The following PGBD1 variants were observed in gnomAD, a reference collection of about 807,000 sequenced individuals.
PGBD1 encodes the protein piggyBac transposable element derived 1.
Under a neutral mutation model 34.7 loss-of-function variants are expected in PGBD1, and 25 were observed. The observed-to-expected ratio is 0.72, with a 90% CI of 0.52 to 1.00. PGBD1 has a LOEUF of 1.00. Among genes scored for constraint, PGBD1 ranks in the 50% least tolerant of loss-of-function variants. The probability of loss-of-function intolerance (pLI) is 0.00; values close to 1 mark genes in which losing one functional copy is unlikely to be tolerated. For missense variants in PGBD1, 830 were observed against 959.4 expected, an observed-to-expected ratio of 0.87 and a Z score of 1.78; for synonymous variants, 292 against 335.7, an observed-to-expected ratio of 0.87 and a Z score of 1.42.
chr6:28,292,283 A>G (rs757707646), intron 4 of PGBD1, among the ~76,000 whole-genome samples: 1 of 152,238 alleles, frequency 6.6e-6, no homozygotes, highest in African/African-American at 2.4e-5. Flanking sequence ...ATATACTTCA[A>G]TAGTGAACAA....
rs1762142523 is a variant in PGBD1, at chr6:28,281,932, A to T, written c.-39+14A>T. 1 of 152,324 alleles carries T rather than the reference A, an allele frequency of 6.6e-6. No homozygotes were observed. Among genetic ancestry groups the T allele is most frequent in the Non-Finnish European group, 1.5e-5 (1 of 68,126 alleles). 9.4% of individuals were successfully genotyped at this position (152,324 alleles called of 1,614,324 possible). On this transcript the variant is annotated intron_variant, in intron 1 of 6. Coordinates refer to ENST00000682144, the MANE Select transcript of PGBD1 (RefSeq NM_032507.4). Reference sequence around the variant, plus strand: ...CTTGAATACCAGGTACGTGCCGGGCATGTAGAGTCTATGCAGAGATAAACT... The same window carrying T: ...CTTGAATACCAGGTACGTGCCGGGCTTGTAGAGTCTATGCAGAGATAAACT...
chr6:28,301,699 A>G lies in PGBD1; in HGVS notation c.1845A>G (p.Leu615=), dbSNP rs1344542727. The change falls in exon 7 of 7, where the codon TTA becomes TTG. Residue 615 remains leucine, a synonymous_variant. Coordinates refer to ENST00000682144, the MANE Select transcript of PGBD1 (RefSeq NM_032507.4). ...NLVMNFADVL[L]ERGQYPYHLC... Reference sequence around the variant, plus strand: ...TGATGAACTTCGCTGATGTTCTTTTAGAGAGAGGTCAGTATCCCTATCACC... The same window carrying G: ...TGATGAACTTCGCTGATGTTCTTTTGGAGAGAGGTCAGTATCCCTATCACC... 6.2e-6 allele frequency: 10 copies of G among 1,614,024 alleles called. No homozygotes were observed. Among genetic ancestry groups the G allele is most frequent in the African/African-American group, 1.3e-5 (1 of 74,926 alleles).
At chr6:28,285,800 A>G in intron 3 of PGBD1, 93 bp downstream of exon 3, 1 of 1,318,806 alleles carries the variant, frequency 7.6e-7, no homozygotes, top group South Asian at 1.5e-5. Context: ...ACATTGTGAA[A>G]TGATTACCAC....
Position 28,300,933 on chromosome 6 carries a change from C to G in PGBD1, c.1079C>G (p.Ser360Cys), listed in dbSNP as rs150861226. 2 of 1,614,110 alleles carry G rather than the reference C, an allele frequency of 1.2e-6. No individual in the cohort carries two copies. Among genetic ancestry groups the G allele is most frequent in the Non-Finnish European group, 1.7e-6 (2 of 1,180,026 alleles). ...VSELLQGLSF[S>C]GDSDVEKDNE... ...GAACTGCTCCAAGGCCTCTCATTCT[C>G]TGGTGACTCAGATGTGGAAAAAGAT... Residue 360 changes from serine to cysteine, a missense_variant, in exon 7 of 7, where the codon TCT (serine) becomes TGT (cysteine). By Grantham distance (112) the Ser-to-Cys change is moderately radical. Transcript: ENST00000682144. This position sits in a 1 kb window ranked among gnomAD's most constrained non-coding sequence, Gnocchi z 4.0.
chr6:28,300,751 T>C lies in PGBD1; in HGVS notation c.897T>C (p.Ser299=), dbSNP rs1471560332. 1 of 1,613,380 alleles carries C rather than the reference T, an allele frequency of 6.2e-7. No homozygotes were observed. The highest frequency in any genetic ancestry group is 1.3e-5 in the African/African-American group (1 of 74,902). ...NRECAPQIPC[S]TPIATERTVA... ...AGTGTGCACCCCAGATTCCTTGTAGTACTCCTATTGCTACTGAAAGGACAG... is the reference window on the plus strand; with the variant it reads ...AGTGTGCACCCCAGATTCCTTGTAGCACTCCTATTGCTACTGAAAGGACAG... Residue 299 remains serine (S), a synonymous_variant, in exon 7 of 7, where the codon AGT becomes AGC. Transcript: ENST00000682144. This position sits in a 1 kb window ranked among gnomAD's most constrained non-coding sequence, Gnocchi z 4.0.
chr6:28,297,028 G>A (rs1396432344), intron 5 of PGBD1, 83 bp downstream of exon 5: 24 of 1,508,568 alleles, frequency 1.6e-5, no homozygotes, highest in South Asian at 9.6e-5. Context: ...GGGAGGCCAC[G>A]TTTCCTACAG....
Position 28,298,969 on chromosome 6 carries a change from CT to C in PGBD1, c.869+980del, listed in dbSNP as rs578060071. On this transcript the variant is annotated intron_variant, in intron 6 of 6. Coordinates refer to ENST00000682144, the MANE Select transcript of PGBD1 (RefSeq NM_032507.4). ...AGCTGAGAAGGGGGTGTGAATTTTC[CT>C]TATTGACATTTGTTTAACTTAGAGA... 1.9e-3 allele frequency among the ~76,000 whole-genome samples: 286 copies of C among 152,226 alleles called. 1 individual carries two copies. Among genetic ancestry groups the C allele is most frequent in the Middle Eastern group, 0.014 (4 of 294 alleles).
chr6:28,285,464 TG>T (rs1323078207), intron 2 of PGBD1, 86 bp from the exon 3 acceptor site: 1 of 1,372,488 alleles, frequency 7.3e-7, no homozygotes, highest in Non-Finnish European at 9.8e-7. Context: ...TGTTTGCTGC[TG>T]TATCCCCAGC....
intron 4 of PGBD1, among the ~76,000 whole-genome samples, chr6:28,292,343 A>G (rs1289067316): frequency 6.6e-6 from 1 of 152,190 alleles, no homozygotes; most frequent in African/African-American, 2.4e-5. Context: ...GCTACAAAAA[A>G]TATAAAATAC....
chr6:28,296,744 T>G, intron 4 of PGBD1, 72 bp from the exon 5 acceptor site: 1 of 1,567,084 alleles, frequency 6.4e-7, no homozygotes, highest in Non-Finnish European at 8.7e-7. Flanking sequence ...AGCGTGGTAT[T>G]CAACACCCTT....
rs143300150 is a variant in PGBD1, at chr6:28,302,244, C to T, written c.2390C>T (p.Ala797Val). Residue 797 changes from alanine to valine, a missense_variant, in exon 7 of 7, where the codon GCA becomes GTA. This residue lies in a region of PGBD1 where 372 missense variants were observed against 427.9 expected (regional missense o/e 0.87). Coordinates refer to ENST00000682144, the MANE Select transcript of PGBD1 (RefSeq NM_032507.4). ...LDPLDFRRFV[A>V]HFYLEHNAHL... ...CCCTTGGATTTTCGGAGATTTGTTG[C>T]ACATTTCTACTTGGAACACAATGCT... The T allele has an allele frequency of 2.3e-4, 372 of 1,613,822 alleles. No homozygotes were observed. Among genetic ancestry groups the T allele is most frequent in the African/African-American group, 3.3e-4 (25 of 74,898 alleles).
intron 4 of PGBD1, among the ~76,000 whole-genome samples, chr6:28,290,553 A>C (rs752911374): frequency 4.6e-5 from 7 of 152,222 alleles, no homozygotes; most frequent in Non-Finnish European, 1.0e-4. Context: ...ATCCAGACAG[A>C]AAGTCAACAG....
chr6:28,281,620 A>G lies in PGBD1; in HGVS notation c.-337A>G. The G allele has an allele frequency of 2.6e-6, 1 of 381,174 alleles. No individual in the cohort carries two copies. Among genetic ancestry groups the G allele is most frequent in the Non-Finnish European group, 4.6e-6 (1 of 215,564 alleles). The allele number at this position is 381,174 out of a possible 1,614,324, so 23.6% of individuals were successfully genotyped here. On this transcript the variant is annotated 5_prime_UTR_variant, in exon 1 of 7. Coordinates refer to ENST00000682144, the MANE Select transcript of PGBD1 (RefSeq NM_032507.4). Reference sequence around the variant, plus strand: ...GCCGGCAGCGCCCGCCAGACCCGCCAGCCCAGCGGCCCGGGCTCTGGGGAA... The same window carrying G: ...GCCGGCAGCGCCCGCCAGACCCGCCGGCCCAGCGGCCCGGGCTCTGGGGAA...
At chr6:28,291,618 C>T (rs960035416) in intron 4 of PGBD1, among the ~76,000 whole-genome samples, 1 of 150,952 alleles carries the variant, frequency 6.6e-6, no homozygotes, top group Admixed American at 6.6e-5. Context: ...CAGCATTGCC[C>T]TGATACCAAA....
chr6:28,298,032 A>G (rs760533343), intron 6 of PGBD1, 41 bp downstream of exon 6: 18 of 1,370,218 alleles, frequency 1.3e-5, no homozygotes, highest in Non-Finnish European at 1.8e-5. Context: ...TCCTGCAGAT[A>G]TAAGAAATTG....
chr6:28,300,578 T>G lies in PGBD1; in HGVS notation c.870-146T>G, dbSNP rs1762794939. On this transcript the variant is annotated intron_variant, in intron 6 of 6. Transcript: ENST00000682144. This position sits in a 1 kb window ranked among gnomAD's most constrained non-coding sequence, Gnocchi z 4.0. ...CTAGAAATGTTTAATCTAGCCAAAGTCCTCCCCATGGAAACTTAAGAGAAA... is the reference window on the plus strand; with the variant it reads ...CTAGAAATGTTTAATCTAGCCAAAGGCCTCCCCATGGAAACTTAAGAGAAA... 6 of 905,420 alleles carry G rather than the reference T, an allele frequency of 6.6e-6. No individual in the cohort carries two copies. The highest frequency in any genetic ancestry group is 9.7e-6 in the Non-Finnish European group (6 of 619,334). 56.1% of individuals were successfully genotyped at this position (905,420 alleles called of 1,614,324 possible).
At chr6:28,291,699 C>A (rs1269349854) in intron 4 of PGBD1, among the ~76,000 whole-genome samples, 1 of 152,062 alleles carries the variant, frequency 6.6e-6, no homozygotes, top group Non-Finnish European at 1.5e-5. Context: ...TGCAAAAATT[C>A]TCAATGAAAC....
At chr6:28,289,406 C>T (rs1275394985) in intron 4 of PGBD1, among the ~76,000 whole-genome samples, 4 of 152,174 alleles carry the variant, frequency 2.6e-5, no homozygotes, top group Non-Finnish European at 5.9e-5. Context: ...GAGTACACCA[C>T]CACCAGACAC....
intron 4 of PGBD1, among the ~76,000 whole-genome samples, chr6:28,288,948 A>G (rs1306674087): frequency 1.3e-5 from 2 of 152,168 alleles, no homozygotes; most frequent in Non-Finnish European, 2.9e-5. Flanking sequence ...AGATCATGCC[A>G]TTACACTCCA....
Sources: gnomAD v4.1 joint callset for allele counts (sites outside exome capture counted in the v4.1 genomes callset) on GRCh38, gnomAD v4.1.1 for gene constraint, gnomAD v4.1.1 regional missense constraint, Gnocchi (gnomAD v3.1) non-coding constraint, MANE v1.5 for transcripts, NCBI Gene and HGNC (gene_info 2026-07-23, HGNC 2026-07-21) for gene names.